Variants in ALDH1L1 observed in about 807,000 individuals in gnomAD.
ALDH1L1 encodes aldehyde dehydrogenase 1 family member L1.
In ALDH1L1, 68 loss-of-function variants were observed where a neutral mutation model predicts 101.1. That is an observed-to-expected ratio of 0.67 (90% confidence interval 0.55 to 0.82). The LOEUF is 0.82. ALDH1L1 is among the 40% of genes least tolerant of loss of function. The pLI is 0.00. For missense variants in ALDH1L1, 1,087 were observed against 1,172.7 expected (o/e 0.93, Z 1.07); for synonymous variants, 486 against 470.8 (o/e 1.03, Z -0.42).
chr3:126,134,809 G>C (rs2080393262), intron 12 of ALDH1L1, among the ~76,000 whole-genome samples: 1 of 152,146 alleles, frequency 6.6e-6, no homozygotes, highest in South Asian at 2.1e-4. Flanking sequence ...CCCAGCGAAA[G>C]AGCCAGGCCC....
chr3:126,145,982 G>T (rs2080667640), intron 9 of ALDH1L1, among the ~76,000 whole-genome samples: 1 of 152,022 alleles, frequency 6.6e-6, no homozygotes, highest in African/African-American at 2.4e-5. Context: ...CTTCTTCTTG[G>T]CATATTTTTT....
chr3:126,168,267 C>T (rs2081206243), intron 1 of ALDH1L1, among the ~76,000 whole-genome samples: 1 of 151,754 alleles, frequency 6.6e-6, no homozygotes, highest in Admixed American at 6.6e-5. Flanking sequence ...ATAAAAGCAC[C>T]ACAAGATTTT....
chr3:126,136,213 C>A (rs2080440082), intron 11 of ALDH1L1, among the ~76,000 whole-genome samples: 1 of 152,168 alleles, frequency 6.6e-6, no homozygotes, highest in Admixed American at 6.5e-5. Context: ...AAGGACTTGG[C>A]CAATTCTATA....
Position 126,126,593 on chromosome 3 carries a change from C to A in ALDH1L1, c.1695-872G>T, listed in dbSNP as rs111269225. 2.1e-4 allele frequency among the ~76,000 whole-genome samples: 32 copies of A among 152,242 alleles called. No homozygotes were observed. In the East Asian group the frequency reaches 5.8e-3, roughly 28 times the overall value. On this transcript the variant is annotated intron_variant, in intron 14 of 22. Transcript: ENST00000393434. ...TAGGGGAGCTGCCCCACACCCCACA[C>A]ACACCCAGGAGATTGGGAGCACAGC...
At chr3:126,193,448 T>C (rs933496033) in intron 1 of ALDH1L1, among the ~76,000 whole-genome samples, 1 of 152,162 alleles carries the variant, frequency 6.6e-6, no homozygotes, top group Non-Finnish European at 1.5e-5. Context: ...TTTGTTTTTT[T>C]AAAAAAATCC....
rs4646710 is a variant in ALDH1L1 at position 126,155,059 on chromosome 3, C to T, written c.630+343G>A. Among the ~76,000 whole-genome samples the T allele has an allele frequency of 1.2e-3, 182 of 152,282 alleles. 1 individual carries two copies. The East Asian group carries it at 0.028, about 24-fold the overall frequency. On this transcript the variant is annotated intron_variant, in intron 5 of 22. Transcript: ENST00000393434. ...TCCACTGGCTATTGCTCCAGAGACC[C>T]GCACTGTCCCTCACACCTTGCCTTG...
intron 9 of ALDH1L1, among the ~76,000 whole-genome samples, chr3:126,139,533 C>G (rs369230796): frequency 6.6e-6 from 1 of 152,094 alleles, no homozygotes; most frequent in East Asian, 1.9e-4. Context: ...AGAGCCCATT[C>G]ACAGGAACAA....
rs775853640 is a variant in ALDH1L1, at chr3:126,155,460, A to T, written c.572T>A (p.Leu191His). 2.4e-5 allele frequency: 38 copies of T among 1,612,994 alleles called. No individual in the cohort carries two copies. Among genetic ancestry groups the T allele is most frequent in the Non-Finnish European group, 3.1e-5 (37 of 1,179,656 alleles). ...RLIAEGKAPR[L>H]PQPEEGATYE... ...GGTGGCTCCTTCCTCAGGCTGAGGGAGTCTGGGGGCTTTGCCCTCAGCGAT... is the reference window on the plus strand; with the variant it reads ...GGTGGCTCCTTCCTCAGGCTGAGGGTGTCTGGGGGCTTTGCCCTCAGCGAT... The change falls in exon 5 of 23, where the codon CTC (leucine) becomes CAC (histidine). Residue 191 changes from leucine (L) to histidine (H), a missense_variant. Coordinates refer to ENST00000393434, the MANE Select transcript of ALDH1L1 (RefSeq NM_012190.4).
intron 12 of ALDH1L1, among the ~76,000 whole-genome samples, chr3:126,133,255 G>T (rs2080351656): frequency 6.6e-6 from 1 of 152,188 alleles, no homozygotes; most frequent in Non-Finnish European, 1.5e-5. Context: ...GGGCCTTGGG[G>T]TGATAAGGTG....
chr3:126,111,258 A>G (rs1946068051), intron 19 of ALDH1L1, among the ~76,000 whole-genome samples: 1 of 152,228 alleles, frequency 6.6e-6, no homozygotes, highest in African/African-American at 2.4e-5. Context: ...TAGGCAGCAC[A>G]ATGCATGGAA....
At chr3:126,173,822 C>T (rs1240429598) in intron 1 of ALDH1L1, among the ~76,000 whole-genome samples, 1 of 152,124 alleles carries the variant, frequency 6.6e-6, no homozygotes, top group East Asian at 1.9e-4. Context: ...TCAGATAAAG[C>T]AGACTTCAGA....
chr3:126,150,298 C>T (rs533997934), intron 8 of ALDH1L1, 108 bp downstream of exon 8: 1 of 1,450,610 alleles, frequency 6.9e-7, no homozygotes. Context: ...CCAAAACAGA[C>T]ACCCACAGAG....
At chr3:126,139,424 G>C (rs2080519443) in intron 9 of ALDH1L1, among the ~76,000 whole-genome samples, 1 of 152,152 alleles carries the variant, frequency 6.6e-6, no homozygotes, top group Non-Finnish European at 1.5e-5. Context: ...TCCCTAATAA[G>C]TGGGAGAAAT....
chr3:126,190,879 T>C (rs1218430322), intron 1 of ALDH1L1, among the ~76,000 whole-genome samples: 1 of 152,248 alleles, frequency 6.6e-6, no homozygotes, highest in Non-Finnish European at 1.5e-5. Context: ...AAATATCTAC[T>C]GATTTATCTT....
intron 3 of ALDH1L1, 93 bp from the exon 4 acceptor site, chr3:126,157,601 G>A: frequency 7.0e-7 from 1 of 1,426,656 alleles, no homozygotes; most frequent in Non-Finnish European, 9.5e-7. Context: ...CCCTCCAGGA[G>A]GCCCTCTCTT....
Position 126,103,811 on chromosome 3 carries a change from T to C in ALDH1L1, c.2689A>G (p.Thr897Ala). The C allele has an allele frequency of 1.2e-6, 2 of 1,613,736 alleles. No homozygotes were observed. Among genetic ancestry groups the C allele is most frequent in the Non-Finnish European group, 1.7e-6 (2 of 1,179,846 alleles). Residue 897 changes from threonine to alanine, a missense_variant, in exon 23 of 23, where the codon ACA becomes GCA. Transcript: ENST00000393434. ...TTTCTTCAGTATTCGAAGGTCACTG[T>C]CTTGACCCGCAGGTACTCGTTCAGA... ...AALNEYLRVK[T>A]VTFEY
chr3:126,107,327 C>A, intron 20 of ALDH1L1, 81 bp from the exon 21 acceptor site: 1 of 1,142,498 alleles, frequency 8.8e-7, no homozygotes, highest in Non-Finnish European at 1.3e-6. Flanking sequence ...GGGCCTGGGC[C>A]ACACCAGCCA....
intron 21 of ALDH1L1, among the ~76,000 whole-genome samples, chr3:126,106,940 G>C (rs1945895569): frequency 6.6e-6 from 1 of 152,206 alleles, no homozygotes; most frequent in Non-Finnish European, 1.5e-5. Flanking sequence ...TCACAGGGGG[G>C]ACTCAAAGCC....
At position 126,118,011 on chromosome 3, in the gene ALDH1L1, A is replaced by G. The variant is rs763008093; in HGVS notation, c.1976T>C (p.Met659Thr). The change falls in exon 17 of 23, where the codon ATG (methionine) becomes ACG (threonine). Residue 659 changes from methionine to threonine, a missense_variant. Met to Thr is a moderately conservative substitution (Grantham distance 81, BLOSUM62 -1). Transcript: ENST00000393434. ...TGSTEVGKHI[M>T]KSCAISNVKK... ...TCCACCCCCAGCCACGCACCTTTTC[A>G]TGATGTGCTTGCCCACCTCTGTGGA... 3 of 1,613,384 alleles carry G rather than the reference A, an allele frequency of 1.9e-6. No individual in the cohort carries two copies. In the Admixed American group the frequency reaches 5.0e-5, roughly 27 times the overall value.
Sources: allele counts gnomAD v4.1 joint callset (sites outside exome capture counted in the v4.1 genomes callset), GRCh38; gene constraint gnomAD v4.1.1; transcripts MANE v1.5; gene names NCBI Gene and HGNC (gene_info 2026-07-23, HGNC 2026-07-21).